Variants in PLXDC2 observed in about 807,000 individuals in gnomAD.
PLXDC2 encodes plexin domain-containing protein 2.
A neutral mutation model predicts 68.9 loss-of-function variants in PLXDC2; 40 were observed. The observed-to-expected ratio is 0.58, with a 90% confidence interval of 0.45 to 0.76. PLXDC2 has a LOEUF of 0.76. Ranked by LOEUF, PLXDC2 falls within the 30% of genes least tolerant of loss-of-function variation. The pLI is 0.00. For missense variants in PLXDC2, 644 were observed against 661.9 expected, an observed-to-expected ratio of 0.97 and a Z score of 0.30; for synonymous variants, 243 against 234.2, an observed-to-expected ratio of 1.04 and a Z score of -0.34.
At chr10:20,100,915 G>A (rs1054355727) in intron 4 of PLXDC2, among the ~76,000 whole-genome samples, 4 of 151,896 alleles carry the variant, frequency 2.6e-5, no homozygotes, top group African/African-American at 9.7e-5. Context: ...AGCACGTTGT[G>A]AATTGTGTTG....
At chr10:20,253,854 C>T (rs1048040901) in intron 13 of PLXDC2, among the ~76,000 whole-genome samples, 1 of 152,174 alleles carries the variant, frequency 6.6e-6, no homozygotes, top group Admixed American at 6.5e-5. Flanking sequence ...ATTCATATCA[C>T]TCTTGTAGCT....
At chr10:20,223,590 G>C (rs1835247319) in intron 12 of PLXDC2, among the ~76,000 whole-genome samples, 1 of 152,102 alleles carries the variant, frequency 6.6e-6, no homozygotes, top group Non-Finnish European at 1.5e-5. Context: ...TGGGATTACG[G>C]GTGTAAGCCA....
At chr10:19,940,239 G>C (rs1048181348) in intron 1 of PLXDC2, among the ~76,000 whole-genome samples, 2 of 149,542 alleles carry the variant, frequency 1.3e-5, no homozygotes, top group Non-Finnish European at 2.9e-5. Flanking sequence ...CTTGAACATA[G>C]TCATGTGATT....
chr10:20,046,657 TAG>T (rs1168187510), intron 2 of PLXDC2, among the ~76,000 whole-genome samples: 1 of 152,126 alleles, frequency 6.6e-6, no homozygotes, highest in African/African-American at 2.4e-5. Flanking sequence ...ATTCAAATCA[TAG>T]AGCTATTTAT....
At chr10:20,121,360 C>G (rs553431388) in intron 4 of PLXDC2, among the ~76,000 whole-genome samples, 1 of 152,042 alleles carries the variant, frequency 6.6e-6, no homozygotes, top group Non-Finnish European at 1.5e-5. Context: ...ACTAACCATG[C>G]CTAGGAAGGA....
rs547789284 is a variant in PLXDC2, at chr10:20,095,242, C to T, written c.541+27003C>T. Among the ~76,000 whole-genome samples, 242 of 152,182 alleles carry T rather than the reference C, an allele frequency of 1.6e-3. 1 individual carries two copies. Among genetic ancestry groups the T allele is most frequent in the African/African-American group, 4.8e-3 (199 of 41,534 alleles). ...TATGCTAAAAGCATGTCAGTTTAAA[C>T]TAGTTACATTTCATGTGCTCAAAAG... On this transcript the variant is annotated intron_variant, in intron 4 of 13. Transcript: ENST00000377252.
intron 1 of PLXDC2, among the ~76,000 whole-genome samples, chr10:19,869,483 A>AG (rs1837492156): frequency 1.2e-4 from 1 of 8,322 alleles, no homozygotes. Context: ...GGGGGGGGAG[A>AG]GGGTGGGAGG....
chr10:20,091,164 G>T (rs1707497212), intron 4 of PLXDC2, among the ~76,000 whole-genome samples: 1 of 152,054 alleles, frequency 6.6e-6, no homozygotes, highest in African/African-American at 2.4e-5. Flanking sequence ...TCTCTGTGCT[G>T]AGGCCCTACA....
At chr10:20,236,066 T>C (rs1835428262) in intron 12 of PLXDC2, among the ~76,000 whole-genome samples, 1 of 152,216 alleles carries the variant, frequency 6.6e-6, no homozygotes, top group African/African-American at 2.4e-5. Flanking sequence ...CATATTTAGC[T>C]GAAAACGTTG....
chr10:19,980,004 C>A (rs563569968), intron 1 of PLXDC2, among the ~76,000 whole-genome samples: 2 of 152,232 alleles, frequency 1.3e-5, no homozygotes, highest in Admixed American at 1.3e-4. Context: ...TCCTGGGTAC[C>A]ATTTGAAGTA....
At chr10:20,228,693 G>C (rs926612166) in intron 12 of PLXDC2, among the ~76,000 whole-genome samples, 2 of 151,474 alleles carry the variant, frequency 1.3e-5, no homozygotes, top group East Asian at 2.0e-4. Flanking sequence ...AGGAAGGGAG[G>C]GAGGGCCAAA....
intron 3 of PLXDC2, among the ~76,000 whole-genome samples, chr10:20,047,449 C>A (rs531674533): frequency 2.6e-4 from 39 of 152,044 alleles, no homozygotes; most frequent in African/African-American, 8.0e-4. Flanking sequence ...TCATTTATGA[C>A]TTAGATAACA....
At chr10:20,126,400 T>G in intron 4 of PLXDC2, among the ~76,000 whole-genome samples, 1 of 142,884 alleles carries the variant, frequency 7.0e-6, no homozygotes, top group Non-Finnish European at 1.5e-5. Flanking sequence ...ATAATACATA[T>G]ATGTATATAC....
chr10:19,960,834 A>G (rs924769303), intron 1 of PLXDC2, among the ~76,000 whole-genome samples: 6 of 152,178 alleles, frequency 3.9e-5, no homozygotes, highest in African/African-American at 9.7e-5. Flanking sequence ...ATCAGTTGCT[A>G]TTTGCATAAT....
chr10:20,225,937 G>T (rs746574324), intron 12 of PLXDC2, among the ~76,000 whole-genome samples: 3 of 152,174 alleles, frequency 2.0e-5, no homozygotes, highest in Non-Finnish European at 4.4e-5. Context: ...TGCATATGCT[G>T]ATATGGTAGT....
At chr10:19,817,737 GTA>G (rs1287394029) in intron 1 of PLXDC2, among the ~76,000 whole-genome samples, 3 of 152,216 alleles carry the variant, frequency 2.0e-5, no homozygotes, top group African/African-American at 7.2e-5. Flanking sequence ...GGGGGGCGGG[GTA>G]AATGCGGCCG....
At chr10:20,032,441 T>G (rs533384507) in intron 2 of PLXDC2, among the ~76,000 whole-genome samples, 3 of 152,156 alleles carry the variant, frequency 2.0e-5, no homozygotes, top group Non-Finnish European at 4.4e-5. Context: ...AGGGGCATGA[T>G]ATGATTAGAT....
chr10:19,893,719 G>GT (rs780778147), intron 1 of PLXDC2, among the ~76,000 whole-genome samples: 1 of 152,224 alleles, frequency 6.6e-6, no homozygotes. Context: ...AGAAGTTATT[G>GT]TAAGTGAAAT....
chr10:20,174,803 G>A (rs1834504237), intron 7 of PLXDC2, among the ~76,000 whole-genome samples: 1 of 152,042 alleles, frequency 6.6e-6, no homozygotes, highest in African/African-American at 2.4e-5. Flanking sequence ...TAAAAAAAAA[G>A]ATATGAGTAG....
Sources: allele counts gnomAD v4.1 joint callset (sites outside exome capture counted in the v4.1 genomes callset), GRCh38; gene constraint gnomAD v4.1.1; transcripts MANE v1.5; gene names NCBI Gene and HGNC (gene_info 2026-07-23, HGNC 2026-07-21).